Variants in PLPPR5 observed in about 807,000 individuals in gnomAD.
PLPPR5 encodes the protein phospholipid phosphatase related 5, also known as phospholipid phosphatase-related protein type 5.
A neutral mutation model predicts 33.9 loss-of-function variants in PLPPR5; 16 were observed. The observed-to-expected ratio is 0.47, with a 90% CI of 0.32 to 0.72. PLPPR5 has a LOEUF of 0.72. Among genes scored for constraint, PLPPR5 ranks in the 30% least tolerant of loss-of-function variants. The pLI is 0.03. For missense variants in PLPPR5, 301 were observed against 406.7 expected, an observed-to-expected ratio of 0.74 and a Z score of 2.23; for synonymous variants, 163 against 150.3, an observed-to-expected ratio of 1.08 and a Z score of -0.62.
At chr1:98,975,434 G>C (rs1361470505) in intron 1 of PLPPR5, among the ~76,000 whole-genome samples, 1 of 152,066 alleles carries the variant, frequency 6.6e-6, no homozygotes, top group African/African-American at 2.4e-5. Flanking sequence ...CAGGAAGCAG[G>C]GAGAAGCACT....
intron 5 of PLPPR5, among the ~76,000 whole-genome samples, chr1:98,911,760 T>A (rs950508039): frequency 1.3e-5 from 2 of 152,048 alleles, no homozygotes; most frequent in Admixed American, 6.6e-5. Context: ...ACCCTTTTTT[T>A]TTTTAGAGAT....
At position 98,914,940 on chromosome 1, in the gene PLPPR5, T is replaced by C. The variant is rs2101152826; in HGVS notation, c.799-20A>G. ...CACAACCTAAAATTTCAGAAGACAATTACAGTTAAAGCAAACTGTGCTCAC... is the reference window on the plus strand; with the variant it reads ...CACAACCTAAAATTTCAGAAGACAACTACAGTTAAAGCAAACTGTGCTCAC... On this transcript the variant is annotated intron_variant, in intron 4 of 5. Transcript: ENST00000263177. The C allele has an allele frequency of 3.7e-6, 6 of 1,604,112 alleles. No homozygotes were observed. The highest frequency in any genetic ancestry group is 5.1e-6 in the Non-Finnish European group (6 of 1,177,626).
chr1:98,967,646 C>T (rs1651496822), intron 1 of PLPPR5, among the ~76,000 whole-genome samples: 1 of 151,950 alleles, frequency 6.6e-6, no homozygotes, highest in African/African-American at 2.4e-5. Context: ...TTCCCTTCAC[C>T]TCAATGTTAT....
chr1:98,909,263 TCCCTCCCTTC>T (rs1055334011), intron 5 of PLPPR5, among the ~76,000 whole-genome samples: 1 of 64,338 alleles, frequency 1.6e-5, no homozygotes, highest in African/African-American at 6.3e-5. Context: ...CCCTTCCCCC[TCCCTCCCTTC>T]CCCTCCCTTC....
chr1:98,950,692 T>G (rs1379722076), intron 3 of PLPPR5, among the ~76,000 whole-genome samples: 1 of 152,146 alleles, frequency 6.6e-6, no homozygotes, highest in Non-Finnish European at 1.5e-5. Context: ...TTTATTTGCT[T>G]ATTTATTTAG....
At chr1:98,948,714 GAGA>G (rs1650651620) in intron 3 of PLPPR5, among the ~76,000 whole-genome samples, 1 of 152,174 alleles carries the variant, frequency 6.6e-6, no homozygotes, top group South Asian at 2.1e-4. Flanking sequence ...AAGACCTGTT[GAGA>G]AGGAGAGAGG....
At chr1:98,990,264 G>A (rs1301626166) in intron 1 of PLPPR5, among the ~76,000 whole-genome samples, 1 of 152,110 alleles carries the variant, frequency 6.6e-6, no homozygotes, top group Non-Finnish European at 1.5e-5. Flanking sequence ...AGCTTCTCAG[G>A]AGGCTGAGGC....
At chr1:98,976,679 G>A (rs904954395) in intron 1 of PLPPR5, among the ~76,000 whole-genome samples, 1 of 151,850 alleles carries the variant, frequency 6.6e-6, no homozygotes, top group Non-Finnish European at 1.5e-5. Context: ...AGATTTCGAA[G>A]ACTTAGTACA....
intron 3 of PLPPR5, among the ~76,000 whole-genome samples, chr1:98,947,675 A>G (rs140192272): frequency 0.015 from 2,221 of 152,232 alleles, 23 homozygotes; most frequent in Middle Eastern, 0.061. Context: ...AAAGGGGTCC[A>G]TGGTAGTGAA....
chr1:98,905,376 A>T (rs907746378), intron 5 of PLPPR5, among the ~76,000 whole-genome samples: 4 of 152,146 alleles, frequency 2.6e-5, no homozygotes, highest in African/African-American at 9.7e-5. Flanking sequence ...TATAGACATC[A>T]ACTTTTTGAC....
intron 5 of PLPPR5, among the ~76,000 whole-genome samples, chr1:98,914,057 T>C (rs1042513281): frequency 1.3e-5 from 2 of 152,200 alleles, no homozygotes; most frequent in Admixed American, 1.3e-4. Flanking sequence ...CAAATATTTA[T>C]TGAACTGTGA....
At chr1:98,977,160 T>G (rs1055166589) in intron 1 of PLPPR5, among the ~76,000 whole-genome samples, 1 of 152,078 alleles carries the variant, frequency 6.6e-6, no homozygotes, top group African/African-American at 2.4e-5. Flanking sequence ...TGCCATATGA[T>G]GGAGACTCCA....
intron 3 of PLPPR5, among the ~76,000 whole-genome samples, chr1:98,931,002 C>T (rs1029525501): frequency 3.9e-5 from 6 of 152,080 alleles, no homozygotes; most frequent in Admixed American, 1.3e-4. Flanking sequence ...ACAAAAACTT[C>T]GTTTAAGGCA....
At chr1:98,931,667 G>A (rs781419553) in intron 3 of PLPPR5, among the ~76,000 whole-genome samples, 41 of 152,122 alleles carry the variant, frequency 2.7e-4, no homozygotes, top group Non-Finnish European at 5.3e-4. Context: ...AAATGACTCA[G>A]TGTGTCAGTC....
intron 1 of PLPPR5, among the ~76,000 whole-genome samples, chr1:98,971,000 T>G (rs572989853): frequency 6.6e-6 from 1 of 152,256 alleles, no homozygotes; most frequent in Non-Finnish European, 1.5e-5. Context: ...AAAAAATGCT[T>G]GATAAACCAA....
rs149668339 is a variant in PLPPR5, at chr1:98,962,407, G to T, written c.238-5666C>A. On this transcript the variant is annotated intron_variant, in intron 1 of 5. Coordinates refer to ENST00000263177, the MANE Select transcript of PLPPR5 (RefSeq NM_001037317.2). ...ACTATAGTCACCATGTTGCACAAGAGATCTTATTCCTTCTAACTGAATCTC... is the reference window on the plus strand; with the variant it reads ...ACTATAGTCACCATGTTGCACAAGATATCTTATTCCTTCTAACTGAATCTC... 4.6e-5 allele frequency among the ~76,000 whole-genome samples: 7 copies of T among 152,250 alleles called. No homozygotes were observed. In the East Asian group the frequency reaches 1.4e-3, roughly 29 times the overall value.
chr1:98,917,685 G>A (rs1476829846), intron 4 of PLPPR5, among the ~76,000 whole-genome samples: 1 of 152,136 alleles, frequency 6.6e-6, no homozygotes, highest in East Asian at 1.9e-4. Flanking sequence ...TGCCTTCCTT[G>A]AACTCCTAGC....
chr1:98,906,086 T>A (rs956480308), intron 5 of PLPPR5, among the ~76,000 whole-genome samples: 2 of 151,916 alleles, frequency 1.3e-5, no homozygotes, highest in Admixed American at 6.6e-5. Flanking sequence ...GGTAATGCTA[T>A]ATACCTAGTA....
intron 1 of PLPPR5, among the ~76,000 whole-genome samples, chr1:98,963,568 C>T (rs543447563): frequency 1.3e-5 from 2 of 152,236 alleles, no homozygotes; most frequent in South Asian, 2.1e-4. Context: ...ACATGGTAAC[C>T]GGCACAGCCA....
Sources: allele counts gnomAD v4.1 joint callset (sites outside exome capture counted in the v4.1 genomes callset), GRCh38; gene constraint gnomAD v4.1.1; transcripts MANE v1.5; gene names NCBI Gene and HGNC (gene_info 2026-07-23, HGNC 2026-07-21).